PDE4B: variants seen among roughly 807,000 people sequenced by gnomAD.
PDE4B encodes phosphodiesterase 4B.
A neutral mutation model predicts 82.2 loss-of-function variants in PDE4B; 20 were observed. The ratio of observed to expected loss-of-function variants is 0.24; its 90% confidence interval spans 0.17 to 0.35. PDE4B has a LOEUF of 0.35. Among genes scored for constraint, PDE4B ranks in the 10% least tolerant of loss-of-function variants. The pLI is 1.00. For synonymous variants in PDE4B, 320 were observed against 318.9 expected (o/e 1.00, Z -0.04); for missense variants, 655 against 907.2 (o/e 0.72, Z 3.57).
At chr1:66,186,315 C>T (rs1204590925) in intron 3 of PDE4B, among the ~76,000 whole-genome samples, 10 of 152,062 alleles carry the variant, frequency 6.6e-5, no homozygotes, top group South Asian at 2.1e-4. Flanking sequence ...CTTGGTGATG[C>T]GGGCCCTTTT....
intron 3 of PDE4B, among the ~76,000 whole-genome samples, chr1:66,188,933 T>C (rs1276654893): frequency 2.6e-5 from 4 of 152,244 alleles, no homozygotes; most frequent in African/African-American, 7.2e-5. Flanking sequence ...CTATCCTCGA[T>C]GGACTTTACA....
At chr1:66,009,648 G>A (rs547485936) in intron 3 of PDE4B, among the ~76,000 whole-genome samples, 16 of 152,114 alleles carry the variant, frequency 1.1e-4, no homozygotes, top group African/African-American at 3.4e-4. Flanking sequence ...TCAAGACCTC[G>A]GCCTTTTCTT....
intron 1 of PDE4B, among the ~76,000 whole-genome samples, chr1:65,852,244 C>T (rs1207721787): frequency 1.3e-5 from 2 of 151,734 alleles, no homozygotes; most frequent in Non-Finnish European, 2.9e-5. Context: ...AGATTTTTTT[C>T]TCTCATCTCC....
intron 1 of PDE4B, among the ~76,000 whole-genome samples, chr1:65,904,839 T>C (rs1473695319): frequency 6.6e-6 from 1 of 152,166 alleles, no homozygotes; most frequent in Non-Finnish European, 1.5e-5. Flanking sequence ...TAAAAATAGT[T>C]GTGAGAATTA....
intron 1 of PDE4B, among the ~76,000 whole-genome samples, chr1:65,857,960 T>G (rs1646412248): frequency 6.6e-6 from 1 of 152,142 alleles, no homozygotes; most frequent in African/African-American, 2.4e-5. Flanking sequence ...GCAGGCAGGT[T>G]ACATAATACA....
At chr1:65,995,715 A>G (rs1344147700) in intron 3 of PDE4B, among the ~76,000 whole-genome samples, 2 of 152,220 alleles carry the variant, frequency 1.3e-5, no homozygotes, top group African/African-American at 2.4e-5. Context: ...TTTCACGATC[A>G]ACAATTGGTA....
intron 3 of PDE4B, among the ~76,000 whole-genome samples, chr1:66,189,505 C>T (rs1316106149): frequency 2.6e-5 from 4 of 152,208 alleles, no homozygotes; most frequent in African/African-American, 2.4e-5. Flanking sequence ...CACATAGTCC[C>T]ATATTTCTTG....
At chr1:65,979,603 G>GT in intron 3 of PDE4B, among the ~76,000 whole-genome samples, 1 of 152,180 alleles carries the variant, frequency 6.6e-6, no homozygotes, top group Admixed American at 6.5e-5. Context: ...CATTCCACAT[G>GT]TTTTTTTACA....
chr1:65,930,231 C>G (rs1428971547), intron 3 of PDE4B, among the ~76,000 whole-genome samples: 1 of 152,132 alleles, frequency 6.6e-6, no homozygotes, highest in Non-Finnish European at 1.5e-5. Flanking sequence ...TAGATTGTGC[C>G]CACCAGATTA....
At chr1:65,858,183 TC>T (rs1218892974) in intron 1 of PDE4B, among the ~76,000 whole-genome samples, 18 of 152,206 alleles carry the variant, frequency 1.2e-4, no homozygotes, top group African/African-American at 4.1e-4. Context: ...CCAGGGCAAC[TC>T]ATTGTAGTCC....
chr1:66,351,655 T>C (rs948186889), intron 8 of PDE4B, among the ~76,000 whole-genome samples: 2 of 152,190 alleles, frequency 1.3e-5, no homozygotes, highest in African/African-American at 4.8e-5. Context: ...GAATTTATCA[T>C]ACAAGTATGA....
chr1:66,162,384 G>A (rs114533310), intron 3 of PDE4B, among the ~76,000 whole-genome samples: 5 of 127,050 alleles, frequency 3.9e-5, no homozygotes, highest in Non-Finnish European at 7.9e-5. Context: ...GACTTCCAGC[G>A]AAGGGAAAGA....
At chr1:65,932,405 T>C (rs915612238) in intron 3 of PDE4B, among the ~76,000 whole-genome samples, 11 of 152,080 alleles carry the variant, frequency 7.2e-5, no homozygotes, top group African/African-American at 2.7e-4. Flanking sequence ...TGGTAGCTGC[T>C]AAGAACAAAG....
At chr1:65,871,786 A>G (rs1289086686) in intron 1 of PDE4B, among the ~76,000 whole-genome samples, 1 of 152,164 alleles carries the variant, frequency 6.6e-6, no homozygotes, top group Non-Finnish European at 1.5e-5. Context: ...ATAATTACCA[A>G]TAAAAATCAT....
At chr1:65,934,146 G>A (rs1003628071) in intron 3 of PDE4B, among the ~76,000 whole-genome samples, 1 of 152,188 alleles carries the variant, frequency 6.6e-6, no homozygotes, top group East Asian at 1.9e-4. Flanking sequence ...AGAAATCAAA[G>A]TATATCAGTA....
chr1:66,181,838 A>C (rs753163029), intron 3 of PDE4B, among the ~76,000 whole-genome samples: 7 of 152,098 alleles, frequency 4.6e-5, no homozygotes, highest in Non-Finnish European at 7.4e-5. Context: ...AAACGAACAA[A>C]AATCTATCTT....
intron 3 of PDE4B, among the ~76,000 whole-genome samples, chr1:66,043,829 G>T (rs149223729): frequency 7.6e-4 from 116 of 151,746 alleles, no homozygotes; most frequent in African/African-American, 2.5e-3. Flanking sequence ...CATGGATGGT[G>T]AAAAAATTTT....
chr1:66,330,854 G>T, intron 7 of PDE4B: 1 of 907,670 alleles, frequency 1.1e-6, no homozygotes, highest in Non-Finnish European at 1.3e-6. Flanking sequence ...GTGTAAGTCT[G>T]GCTTGAAATG....
chr1:66,100,926 T>A (rs148875621), intron 3 of PDE4B, among the ~76,000 whole-genome samples: 1,866 of 152,246 alleles, frequency 0.012, 44 homozygotes, highest in African/African-American at 0.044. Flanking sequence ...TGGTGTGTTG[T>A]ACCCATTAAC....
Sources: gnomAD v4.1 joint callset for allele counts (sites outside exome capture counted in the v4.1 genomes callset) on GRCh38, gnomAD v4.1.1 for gene constraint, MANE v1.5 for transcripts, NCBI Gene and HGNC (gene_info 2026-07-23, HGNC 2026-07-21) for gene names.